The following BRCA2 variants were observed in gnomAD, a reference collection of about 807,000 sequenced individuals.
BRCA2 encodes BRCA2 DNA repair associated.
A neutral mutation model predicts 276.7 loss-of-function variants in BRCA2; 203 were observed. The observed-to-expected ratio is 0.73, with a 90% CI of 0.65 to 0.82. BRCA2 has a LOEUF of 0.82. BRCA2 is among the 40% of genes least tolerant of loss of function. The probability of loss-of-function intolerance (pLI) is 0.00; values close to 1 mark genes in which losing one functional copy is unlikely to be tolerated. For synonymous variants in BRCA2, 1,289 were observed against 1,338.4 expected (o/e 0.96, Z 0.81); for missense variants, 3,920 against 3,915.0 (o/e 1.00, Z -0.03).
In BRCA2 at chr13:32,370,429, C is replaced by T. The variant is rs41293517; in HGVS notation, c.8359C>T (p.Arg2787Cys). 33 of 1,613,706 alleles carry T rather than the reference C, an allele frequency of 2.0e-5. No individual in the cohort carries two copies. The highest frequency in any genetic ancestry group is 2.5e-5 in the Non-Finnish European group (30 of 1,179,782). Residue 2787 changes from arginine (R) to cysteine (C), a missense_variant, in exon 19 of 27, where the codon CGC (arginine) becomes TGC (cysteine). Physicochemically the swap from Arg to Cys is radical, Grantham distance 180. This residue lies in a region of BRCA2 where 657 missense variants were observed against 758.2 expected (regional missense o/e 0.87). Transcript: ENST00000380152. The part of the protein sequence containing the change: ...KISANSTRPA[R>C]WYTKLGFFPD... ...TTCTGCTAACAGTACTCGGCCTGCTCGCTGGTATACCAAACTTGGATTCTT... is the reference window on the plus strand; with the variant it reads ...TTCTGCTAACAGTACTCGGCCTGCTTGCTGGTATACCAAACTTGGATTCTT...
rs397507330 is a variant in BRCA2, at chr13:32,338,712, A to G, written c.4357A>G (p.Lys1453Glu). 51 of 1,595,314 alleles carry G rather than the reference A, an allele frequency of 3.2e-5. No individual in the cohort carries two copies. Among genetic ancestry groups the G allele is most frequent in the Non-Finnish European group, 4.1e-5 (48 of 1,168,732 alleles). Residue 1453 changes from lysine to glutamate, a missense_variant, in exon 11 of 27, where the codon AAA (lysine) becomes GAA (glutamate). Coordinates refer to ENST00000380152, the MANE Select transcript of BRCA2 (RefSeq NM_000059.4). The part of the protein sequence containing the change: ...FNKIVNFFDQ[K>E]PEELHNFSLN... ...TAAAATTGTAAATTTCTTTGATCAG[A>G]AACCAGAAGAATTGCATAACTTTTC...
chr13:32,365,388 A>C (rs1452116753), intron 18 of BRCA2, among the ~76,000 whole-genome samples: 2 of 151,298 alleles, frequency 1.3e-5, no homozygotes, highest in African/African-American at 4.9e-5. Context: ...TTATTTATTT[A>C]TTTATTTTTG....
chr13:32,374,878 C>A (rs536297556), intron 20 of BRCA2, among the ~76,000 whole-genome samples: 1 of 152,204 alleles, frequency 6.6e-6, no homozygotes, highest in Admixed American at 6.5e-5. Flanking sequence ...TAACAATTAT[C>A]TGTATTAGTT....
intron 10 of BRCA2, among the ~76,000 whole-genome samples, chr13:32,335,550 G>A (rs1166892784): frequency 6.6e-6 from 1 of 151,928 alleles, no homozygotes; most frequent in East Asian, 1.9e-4. Context: ...CAATGTGAAA[G>A]AATTAAGAAA....
rs80358617 is a variant in BRCA2, at chr13:32,338,118, G to A, written c.3763G>A (p.Val1255Ile). The change falls in exon 11 of 27, where the codon GTA (valine) becomes ATA (isoleucine). Residue 1255 changes from valine to isoleucine, a missense_variant. By Grantham distance (29) the Val-to-Ile change is conservative (BLOSUM62 3). Around this residue, in one of 2 missense-constraint regions of BRCA2, gnomAD observed 3,263 missense variants for 3,156.9 expected, o/e 1.03. Transcript: ENST00000380152. Reference sequence around the variant, plus strand: ...TATTAGTGAGGAAACTTCTGCAGAGGTACATCCAATAAGTTTATCTTCAAG... The same window carrying A: ...TATTAGTGAGGAAACTTCTGCAGAGATACATCCAATAAGTTTATCTTCAAG... ...ENISEETSAE[V>I]HPISLSSSKC... 4 of 1,608,478 alleles carry A rather than the reference G, an allele frequency of 2.5e-6. No individual in the cohort carries two copies. The highest frequency in any genetic ancestry group is 3.4e-6 in the Non-Finnish European group (4 of 1,177,652).
intron 26 of BRCA2, 49 bp from the exon 27 acceptor site, chr13:32,398,113 T>G (rs745356352): frequency 6.4e-7 from 1 of 1,553,278 alleles, no homozygotes; most frequent in Non-Finnish European, 8.7e-7. Flanking sequence ...ATTTAGTTTT[T>G]TATGTTACTA....
At chr13:32,336,166 C>A (rs1566225677) in intron 10 of BRCA2, 99 bp from the exon 11 acceptor site, 1 of 1,324,624 alleles carries the variant, frequency 7.5e-7, no homozygotes, top group Non-Finnish European at 1.0e-6. Flanking sequence ...CAGGCATGAG[C>A]CACTGTGCCC....
At chr13:32,374,859 C>T (rs778711886) in intron 20 of BRCA2, among the ~76,000 whole-genome samples, 15 of 152,194 alleles carry the variant, frequency 9.9e-5, no homozygotes, top group Non-Finnish European at 7.3e-5. Context: ...AGCAGTCCCC[C>T]ACTCCTGGTA....
chr13:32,394,574 C>T (rs1221064780), intron 24 of BRCA2, 115 bp from the exon 25 acceptor site: 5 of 1,302,046 alleles, frequency 3.8e-6, no homozygotes, highest in East Asian at 2.4e-5. Context: ...TTTTGATTTG[C>T]TTTTATTATT....
intron 24 of BRCA2, among the ~76,000 whole-genome samples, chr13:32,393,264 G>C (rs1476431787): frequency 6.6e-6 from 1 of 152,080 alleles, no homozygotes; most frequent in African/African-American, 2.4e-5. Context: ...AGTTGATTTT[G>C]TTTGCAACAA....
chr13:32,316,528 G>C lies in BRCA2; in HGVS notation c.67+1G>C, dbSNP rs81002796. The C allele has an allele frequency of 6.2e-7, 1 of 1,612,996 alleles. No individual in the cohort carries two copies. Among genetic ancestry groups the C allele is most frequent in the Non-Finnish European group, 8.5e-7 (1 of 1,179,168 alleles). ...TTTAAGACACGCTGCAACAAAGCAG[G>C]TATTGACAAATTTTATATAACTTTA... On this transcript the variant is annotated splice_donor_variant, in intron 2 of 26. Transcript: ENST00000380152. LOFTEE classifies it high-confidence loss of function.
At chr13:32,362,964 T>C (rs994351727) in intron 17 of BRCA2, among the ~76,000 whole-genome samples, 1 of 152,232 alleles carries the variant, frequency 6.6e-6, no homozygotes. Context: ...ATTTGGGGAT[T>C]GCTAATAAAG....
rs1228570038 is a variant in BRCA2 at position 32,379,404 on chromosome 13, A to G, written c.8842A>G (p.Ile2948Val). ...DKKQAQIQLEIRKAMESAEQK... is the reference protein window; with the variant it reads ...DKKQAQIQLEVRKAMESAEQK... ...GAAACAAGCTCAGATCCAGTTGGAA[A>G]TTAGGAAGGCCATGGAATCTGCTGA... Residue 2948 changes from isoleucine to valine, a missense_variant, in exon 22 of 27, where the codon ATT (isoleucine) becomes GTT (valine). Physicochemically the swap from Ile to Val is conservative, Grantham distance 29. Around this residue, in one of 2 missense-constraint regions of BRCA2, gnomAD observed 657 missense variants for 758.2 expected, o/e 0.87. Transcript: ENST00000380152. The G allele has an allele frequency of 6.2e-7, 1 of 1,613,792 alleles. No homozygotes were observed. Among genetic ancestry groups the G allele is most frequent in the Non-Finnish European group, 8.5e-7 (1 of 1,179,904 alleles).
intron 1 of BRCA2, among the ~76,000 whole-genome samples, chr13:32,316,007 T>C (rs530926766): frequency 6.6e-6 from 1 of 152,358 alleles, no homozygotes; most frequent in East Asian, 1.9e-4. Flanking sequence ...ATTGCTGTTT[T>C]GGGGAAGTGT....
chr13:32,357,714 CTT>C, intron 15 of BRCA2, 26 bp from the exon 16 acceptor site: 1 of 1,597,242 alleles, frequency 6.3e-7, no homozygotes, highest in Non-Finnish European at 8.6e-7. Context: ...AATTGTTTTT[CTT>C]TTTTGTGTGT....
chr13:32,367,251 A>G (rs988447462), intron 18 of BRCA2, among the ~76,000 whole-genome samples: 5 of 152,072 alleles, frequency 3.3e-5, no homozygotes, highest in Admixed American at 6.5e-5. Context: ...CCTGGCCAAC[A>G]TGGTGAAACC....
rs276174802 is a variant in BRCA2, at chr13:32,316,452, T to C, written c.-9T>C. 4.2e-5 allele frequency: 68 copies of C among 1,612,152 alleles called. No individual in the cohort carries two copies. The highest frequency in any genetic ancestry group is 5.4e-5 in the Non-Finnish European group (64 of 1,178,282). On this transcript the variant is annotated 5_prime_UTR_variant, in exon 2 of 27. Transcript: ENST00000380152. Reference sequence around the variant, plus strand: ...TTTACCAAGCATTGGAGGAATATCGTAGGTAAAAATGCCTATTGGATCCAA... The same window carrying C: ...TTTACCAAGCATTGGAGGAATATCGCAGGTAAAAATGCCTATTGGATCCAA...
At chr13:32,334,424 T>A (rs1593894800) in intron 10 of BRCA2, among the ~76,000 whole-genome samples, 1 of 152,138 alleles carries the variant, frequency 6.6e-6, no homozygotes, top group African/African-American at 2.4e-5. Context: ...GCCTGTAATC[T>A]TAGCACTTTG....
chr13:32,398,673 C>G lies in BRCA2; in HGVS notation c.10160C>G (p.Thr3387Ser), dbSNP rs863224584. 1 of 1,614,174 alleles carries G rather than the reference C, an allele frequency of 6.2e-7. No individual in the cohort carries two copies. The highest frequency in any genetic ancestry group is 1.3e-5 in the African/African-American group (1 of 75,054). The change falls in exon 27 of 27, where the codon ACT (threonine) becomes AGT (serine). Residue 3387 changes from threonine to serine, a missense_variant. Transcript: ENST00000380152. ...TATCTCAGACTGAAACGACGTTGTA[C>G]TACATCTCTGATCAAAGAACAGGAG... ...EDYLRLKRRC[T>S]TSLIKEQESS...
Sources: gnomAD v4.1 joint callset for allele counts (sites outside exome capture counted in the v4.1 genomes callset) on GRCh38, gnomAD v4.1.1 for gene constraint, gnomAD v4.1.1 regional missense constraint, MANE v1.5 for transcripts, NCBI Gene and HGNC (gene_info 2026-07-23, HGNC 2026-07-21) for gene names.